CNTN5: variants seen among roughly 807,000 people sequenced by gnomAD.
CNTN5 encodes contactin 5, also known as contactin-5.
Under a neutral mutation model 129.1 loss-of-function variants are expected in CNTN5, and 77 were observed. The observed-to-expected ratio is 0.60, with a 90% CI of 0.50 to 0.72. The LOEUF is 0.72. Among genes scored for constraint, CNTN5 ranks in the 30% least tolerant of loss-of-function variants. CNTN5 has a pLI of 0.00. For missense variants in CNTN5, 1,478 were observed against 1,328.8 expected, an observed-to-expected ratio of 1.11 and a Z score of -1.75; for synonymous variants, 509 against 465.6, an observed-to-expected ratio of 1.09 and a Z score of -1.20.
chr11:100,012,183 C>T (rs771424984), intron 9 of CNTN5, among the ~76,000 whole-genome samples: 3 of 152,094 alleles, frequency 2.0e-5, no homozygotes, highest in Middle Eastern at 3.2e-3. Context: ...AGAAAATTGC[C>T]ATCATGAACT....
intron 13 of CNTN5, among the ~76,000 whole-genome samples, chr11:100,101,597 A>G (rs1430054635): frequency 6.6e-6 from 1 of 151,912 alleles, no homozygotes; most frequent in Non-Finnish European, 1.5e-5. Context: ...TTTAATTTCA[A>G]TAGTTTTGGT....
intron 1 of CNTN5, among the ~76,000 whole-genome samples, chr11:99,066,997 AC>A (rs1351785648): frequency 6.6e-6 from 1 of 151,982 alleles, no homozygotes; most frequent in Non-Finnish European, 1.5e-5. Context: ...CAAAGATCAA[AC>A]CTTTTATTTC....
intron 3 of CNTN5, among the ~76,000 whole-genome samples, chr11:99,570,313 CA>C (rs1591294346): frequency 6.6e-6 from 1 of 152,050 alleles, no homozygotes; most frequent in East Asian, 1.9e-4. Context: ...TTATTTGTTC[CA>C]GAATAGCCCT....
chr11:99,386,026 T>C (rs911671952), intron 2 of CNTN5, among the ~76,000 whole-genome samples: 8 of 152,198 alleles, frequency 5.3e-5, no homozygotes, highest in Non-Finnish European at 8.8e-5. Flanking sequence ...TGGCTGTCCC[T>C]AAAGAAATCT....
At chr11:100,313,190 A>G (rs1022689531) in intron 21 of CNTN5, among the ~76,000 whole-genome samples, 1 of 152,006 alleles carries the variant, frequency 6.6e-6, no homozygotes, top group African/African-American at 2.4e-5. Flanking sequence ...CTTTTTTTTA[A>G]TCACTCTGGC....
At chr11:99,266,052 G>A (rs1048343360) in intron 1 of CNTN5, among the ~76,000 whole-genome samples, 10 of 152,058 alleles carry the variant, frequency 6.6e-5, no homozygotes, top group Non-Finnish European at 1.5e-4. Context: ...TTTGTCAGAG[G>A]AAGATGGAAG....
At chr11:99,226,389 C>T (rs1409591934) in intron 1 of CNTN5, among the ~76,000 whole-genome samples, 2 of 152,132 alleles carry the variant, frequency 1.3e-5, no homozygotes, top group East Asian at 3.9e-4. Context: ...ATCTACTTTC[C>T]TGTACAAACA....
At chr11:100,256,231 T>C (rs1407652791) in intron 17 of CNTN5, among the ~76,000 whole-genome samples, 4 of 152,194 alleles carry the variant, frequency 2.6e-5, no homozygotes, top group Non-Finnish European at 4.4e-5. Flanking sequence ...CCTGCCATGA[T>C]AAAATCTTAC....
intron 3 of CNTN5, chr11:99,558,211 A>G (rs1454331195): frequency 6.4e-6 from 2 of 310,898 alleles, no homozygotes; most frequent in Non-Finnish European, 1.3e-5. Flanking sequence ...TTTTTTGTGC[A>G]GCATTACTGT....
intron 1 of CNTN5, among the ~76,000 whole-genome samples, chr11:99,109,834 A>G (rs1857703885): frequency 6.6e-6 from 1 of 152,146 alleles, no homozygotes; most frequent in Admixed American, 6.6e-5. Context: ...TAATGTGAAC[A>G]TATAGATTAA....
chr11:100,289,494 G>A lies in CNTN5; in HGVS notation c.2315-8131G>A, dbSNP rs374849545. Among the ~76,000 whole-genome samples, 178 of 151,720 alleles carry A rather than the reference G, an allele frequency of 1.2e-3. 1 individual carries two copies. In the East Asian group the frequency reaches 0.032, roughly 28 times the overall value. On this transcript the variant is annotated intron_variant, in intron 18 of 24. Coordinates refer to ENST00000524871, the MANE Select transcript of CNTN5 (RefSeq NM_014361.4). ...AAATGTAATCCAGCATATAAACAGA[G>A]CCAAAGACAAAAACCACATGATTAT... is the stretch of plus-strand genomic sequence containing the variant.
intron 3 of CNTN5, among the ~76,000 whole-genome samples, chr11:99,633,381 A>AAAAGGAG (rs1332810573): frequency 1.3e-5 from 2 of 152,214 alleles, no homozygotes; most frequent in Non-Finnish European, 2.9e-5. Flanking sequence ...TTCAGATCTA[A>AAAAGGAG]AAAGGAGACA....
intron 2 of CNTN5, among the ~76,000 whole-genome samples, chr11:99,484,734 C>T (rs1438696018): frequency 6.6e-6 from 1 of 152,104 alleles, no homozygotes; most frequent in East Asian, 1.9e-4. Context: ...TAATCATTCT[C>T]TGTTACACGA....
At chr11:99,532,679 T>G (rs1049521780) in intron 2 of CNTN5, among the ~76,000 whole-genome samples, 4 of 152,172 alleles carry the variant, frequency 2.6e-5, no homozygotes, top group Non-Finnish European at 5.9e-5. Context: ...TCTGATTGGT[T>G]TATCAGTGGT....
At chr11:100,005,243 TAA>T (rs1297775909) in intron 9 of CNTN5, among the ~76,000 whole-genome samples, 2 of 152,138 alleles carry the variant, frequency 1.3e-5, no homozygotes, top group African/African-American at 4.8e-5. Context: ...CAAAAATAAA[TAA>T]GTTATTTATG....
chr11:99,544,228 C>T (rs930918604), intron 2 of CNTN5, among the ~76,000 whole-genome samples: 3 of 152,022 alleles, frequency 2.0e-5, no homozygotes, highest in African/African-American at 2.4e-5. Flanking sequence ...ACTGAGAAGA[C>T]GGGGCTGAAC....
chr11:100,044,142 ATGTACACACATATATATTACATAT>A (rs1942530276), intron 9 of CNTN5, among the ~76,000 whole-genome samples: 2 of 128,918 alleles, frequency 1.6e-5, no homozygotes, highest in African/African-American at 6.0e-5. Flanking sequence ...GTACATGTGT[ATGTACACACATATATATTACATAT>A]CATGTATATA....
At chr11:100,043,877 C>A (rs1026428091) in intron 9 of CNTN5, among the ~76,000 whole-genome samples, 2 of 152,084 alleles carry the variant, frequency 1.3e-5, no homozygotes, top group African/African-American at 2.4e-5. Flanking sequence ...TGAGTTATTA[C>A]AGCATTCACT....
At chr11:100,117,839 A>G (rs1056461035) in intron 13 of CNTN5, among the ~76,000 whole-genome samples, 1 of 151,824 alleles carries the variant, frequency 6.6e-6, no homozygotes, top group South Asian at 2.1e-4. Flanking sequence ...TAAGTGAATG[A>G]ATAAGTCAAT....
Sources: allele counts gnomAD v4.1 joint callset (sites outside exome capture counted in the v4.1 genomes callset), GRCh38; gene constraint gnomAD v4.1.1; transcripts MANE v1.5; gene names NCBI Gene and HGNC (gene_info 2026-07-23, HGNC 2026-07-21).